Variants in SCLY observed in about 807,000 individuals in gnomAD.
SCLY encodes the protein putative selenocysteine lyase.
A neutral mutation model predicts 50.1 loss-of-function variants in SCLY; 38 were observed. The observed-to-expected ratio is 0.76, with a 90% confidence interval of 0.59 to 0.99. The LOEUF (loss-of-function observed/expected upper bound fraction) is 0.99, where lower values mean the gene tolerates loss of function less well. Ranked by LOEUF, SCLY falls within the 50% of genes least tolerant of loss-of-function variation. The pLI is 0.00. For missense variants in SCLY, 600 were observed against 620.0 expected (o/e 0.97, Z 0.34); for synonymous variants, 243 against 249.4 (o/e 0.97, Z 0.24).
At chr2:238,082,587 A>G (rs2065249795) in intron 6 of SCLY, 1 of 217,784 alleles carries the variant, frequency 4.6e-6, no homozygotes. Flanking sequence ...TAGGGACAGG[A>G]AATCGTTGCT....
chr2:238,097,121 G>A (rs1350739273), intron 11 of SCLY, among the ~76,000 whole-genome samples: 2 of 151,198 alleles, frequency 1.3e-5, no homozygotes, highest in African/African-American at 2.4e-5. Context: ...GCGGAGGGAG[G>A]GCAGGGCCTG....
chr2:238,098,559 GCATAGGACTGCCCACATGGGACCGCCCA>G lies in SCLY; in HGVS notation c.*213_*240del, dbSNP rs1159107457. 3,731 of 411,568 alleles carry G rather than the reference GCATAGGACTGCCCACATGGGACCGCCCA, an allele frequency of 9.1e-3. 227 individuals are homozygous for G. The highest frequency in any genetic ancestry group is 0.029 in the African/African-American group (538 of 18,254). 25.5% of individuals were successfully genotyped at this position (411,568 alleles called of 1,614,324 possible). Reference sequence around the variant, plus strand: ...TCACAGGGCCCAGGACACCAACGCCGCATAGGACTGCCCACATGGGACCGCCCACATAGGACCGCCCACATAGGACCGC... The same window carrying G: ...TCACAGGGCCCAGGACACCAACGCCGCATAGGACCGCCCACATAGGACCGC... On this transcript the variant is annotated 3_prime_UTR_variant, in exon 12 of 12. Transcript: ENST00000254663.
rs550685489 is a variant in SCLY at position 238,083,720 on chromosome 2, C to G, written c.884+366C>G. 6.6e-6 allele frequency among the ~76,000 whole-genome samples: 1 copy of G among 152,194 alleles called. No homozygotes were observed. The highest frequency in any genetic ancestry group is 2.1e-4 in the South Asian group (1 of 4,824). Reference sequence around the variant, plus strand: ...AGCAGGACCACACAGAAGCACTGGTCTCCTTTCTGATAGCTCCTGTGTCCC... The same window carrying G: ...AGCAGGACCACACAGAAGCACTGGTGTCCTTTCTGATAGCTCCTGTGTCCC... On this transcript the variant is annotated intron_variant, in intron 7 of 11. Coordinates refer to ENST00000254663, the MANE Select transcript of SCLY (RefSeq NM_016510.7). This position sits in a 1 kb window ranked among gnomAD's most constrained non-coding sequence, Gnocchi z 4.3.
intron 4 of SCLY, among the ~76,000 whole-genome samples, chr2:238,071,316 A>G (rs1369570429): frequency 6.6e-6 from 1 of 152,240 alleles, no homozygotes; most frequent in African/African-American, 2.4e-5. Context: ...AGTATAAAGT[A>G]AAAAGTCTGC....
chr2:238,061,053 G>T lies in SCLY; in HGVS notation c.-2G>T, dbSNP rs1260147103. The T allele has an allele frequency of 7.9e-6, 11 of 1,386,730 alleles. No individual in the cohort carries two copies. The Admixed American group carries it at 3.7e-4, about 46-fold the overall frequency. The allele number at this position is 1,386,730 out of a possible 1,614,324, so 85.9% of individuals were successfully genotyped here. ...TGGATGCCCGGCAGCAGTGGGGCGG[G>T]GATGGAGGCGGCCGTGGCGCCGGGG... On this transcript the variant is annotated 5_prime_UTR_variant, in exon 1 of 12. Transcript: ENST00000254663.
chr2:238,095,730 G>T (rs1157857877), intron 10 of SCLY: 2 of 152,034 alleles, frequency 1.3e-5, no homozygotes, highest in African/African-American at 2.4e-5. Flanking sequence ...TGAGACAGAG[G>T]TTCTCATTTT....
chr2:238,078,017 G>A (rs2065191512), intron 4 of SCLY, among the ~76,000 whole-genome samples: 1 of 150,280 alleles, frequency 6.7e-6, no homozygotes. Flanking sequence ...GCAGTGGCAC[G>A]ATCTTGGCTC....
chr2:238,088,011 G>T (rs1224238127), intron 7 of SCLY, among the ~76,000 whole-genome samples: 1 of 152,212 alleles, frequency 6.6e-6, no homozygotes, highest in East Asian at 1.9e-4. Context: ...AGGATTGCTT[G>T]AGTGAGCGTG....
In SCLY at chr2:238,061,083, A is replaced by T; in HGVS notation, c.29A>T (p.Asp10Val). The T allele has an allele frequency of 7.2e-7, 1 of 1,396,316 alleles. No homozygotes were observed. Among genetic ancestry groups the T allele is most frequent in the South Asian group, 1.6e-5 (1 of 63,194 alleles). 86.5% of individuals were successfully genotyped at this position (1,396,316 alleles called of 1,614,324 possible). Residue 10 changes from aspartate (D) to valine (V), a missense_variant, in exon 1 of 12, where the codon GAT becomes GTT. Asp to Val is a radical substitution (Grantham distance 152). Transcript: ENST00000254663. MEAAVAPGR[D>V]APAPAASQPS... ...GAGGCGGCCGTGGCGCCGGGGAGGG[A>T]TGCGCCGGCACCCGCGGCGAGTCAG...
At chr2:238,070,742 T>G (rs1295285558) in intron 4 of SCLY, among the ~76,000 whole-genome samples, 1 of 152,190 alleles carries the variant, frequency 6.6e-6, no homozygotes, top group Non-Finnish European at 1.5e-5. Context: ...GGTAAACATA[T>G]TCACATGAAG....
chr2:238,095,437 G>T (rs1448485392), intron 10 of SCLY: 1 of 152,178 alleles, frequency 6.6e-6, no homozygotes, highest in East Asian at 1.9e-4. Flanking sequence ...CTGTAAACAA[G>T]TTTTTGACTT....
rs1478965954 is a variant in SCLY, at chr2:238,098,520, G to GA, written c.*166dup. 1.7e-5 allele frequency: 13 copies of GA among 774,528 alleles called. No individual in the cohort carries two copies. In the East Asian group the frequency reaches 3.7e-4, roughly 22 times the overall value. The allele number at this position is 774,528 out of a possible 1,614,324, so 48.0% of individuals were successfully genotyped here. ...TGTGCACCCCCAGTTTCCTTCCCTG[G>GA]ACCCCTGCAGAGCTCACAGGGCCCA... On this transcript the variant is annotated 3_prime_UTR_variant, in exon 12 of 12. Transcript: ENST00000254663.
rs1691304651 is a variant in SCLY, at chr2:238,098,568, T to TGCCCACATAGGACC, written c.*221_*222insAGGACCGCCCACAT. Reference sequence around the variant, plus strand: ...CCAGGACACCAACGCCGCATAGGACTGCCCACATGGGACCGCCCACATAGG... The same window carrying TGCCCACATAGGACC: ...CCAGGACACCAACGCCGCATAGGACTGCCCACATAGGACCGCCCACATGGGACCGCCCACATAGG... On this transcript the variant is annotated 3_prime_UTR_variant, in exon 12 of 12. Coordinates refer to ENST00000254663, the MANE Select transcript of SCLY (RefSeq NM_016510.7). The TGCCCACATAGGACC allele has an allele frequency of 1.0e-5, 4 of 397,478 alleles. No individual in the cohort carries two copies. The highest frequency in any genetic ancestry group is 3.7e-5 in the East Asian group (1 of 27,078). 24.6% of individuals were successfully genotyped at this position (397,478 alleles called of 1,614,324 possible).
At chr2:238,082,539 C>T (rs1211742359) in intron 6 of SCLY, among the ~76,000 whole-genome samples, 1 of 152,134 alleles carries the variant, frequency 6.6e-6, no homozygotes, top group Non-Finnish European at 1.5e-5. Context: ...GTCTCTGCAG[C>T]GGACAGGGCA....
intron 8 of SCLY, 184 bp from the exon 9 acceptor site, chr2:238,093,677 G>A: frequency 1.6e-6 from 1 of 628,270 alleles, no homozygotes; most frequent in South Asian, 1.9e-5. Flanking sequence ...GGAGGTACCT[G>A]GTGAAGTCAG....
chr2:238,085,536 G>A (rs2065285903), intron 7 of SCLY, among the ~76,000 whole-genome samples: 1 of 151,154 alleles, frequency 6.6e-6, no homozygotes, highest in African/African-American at 2.4e-5. Context: ...GGCTAACACG[G>A]TGAAACCCCA....
At position 238,070,064 on chromosome 2, in the gene SCLY, G is replaced by A. The variant is rs190181246; in HGVS notation, c.484+587G>A. Reference sequence around the variant, plus strand: ...GAGGTGGTGCCCAAGTGCGGCAGGAGGCGCAGGGGCCCTCAGGGAGGAGGA... The same window carrying A: ...GAGGTGGTGCCCAAGTGCGGCAGGAAGCGCAGGGGCCCTCAGGGAGGAGGA... On this transcript the variant is annotated intron_variant, in intron 4 of 11. Transcript: ENST00000254663. 1.2e-3 allele frequency among the ~76,000 whole-genome samples: 176 copies of A among 152,352 alleles called. 2 individuals are homozygous for A. Among genetic ancestry groups the A allele is most frequent in the African/African-American group, 4.1e-3 (172 of 41,586 alleles).
At chr2:238,097,798 A>G (rs939175064) in intron 11 of SCLY, among the ~76,000 whole-genome samples, 2 of 152,118 alleles carry the variant, frequency 1.3e-5, no homozygotes, top group South Asian at 2.1e-4. Flanking sequence ...AGTGTCTGCA[A>G]AGCCCCATGC....
At position 238,069,217 on chromosome 2, in the gene SCLY, A is replaced by C; in HGVS notation, c.304-80A>C. On this transcript the variant is annotated intron_variant, in intron 3 of 11. Transcript: ENST00000254663. The surrounding 1 kb of genome is among the most constrained non-coding windows in gnomAD (Gnocchi z 5.0). The stretch of plus-strand genomic sequence containing the variant: ...CTTTTTTGATGTTAGCCACAAAAGA[A>C]ATTAAGTAACAGAAATTGTTGCTCT... The C allele has an allele frequency of 3.8e-6, 5 of 1,307,482 alleles. No individual in the cohort carries two copies. Among genetic ancestry groups the C allele is most frequent in the Non-Finnish European group, 5.2e-6 (5 of 953,722 alleles). The allele number at this position is 1,307,482 out of a possible 1,614,324, so 81.0% of individuals were successfully genotyped here. A position where few individuals can be genotyped will look rare whatever the true frequency, so the allele number is the denominator to read the frequency against.
Sources: allele counts gnomAD v4.1 joint callset (sites outside exome capture counted in the v4.1 genomes callset), GRCh38; gene constraint gnomAD v4.1.1; non-coding constraint Gnocchi (gnomAD v3.1); transcripts MANE v1.5; gene names NCBI Gene and HGNC (gene_info 2026-07-23, HGNC 2026-07-21).